The following GRB10 variants were observed in gnomAD, a reference collection of about 807,000 sequenced individuals.
The protein encoded by GRB10 is growth factor receptor-bound protein 10.
Under a neutral mutation model 80.9 loss-of-function variants are expected in GRB10, and 20 were observed. The ratio of observed to expected loss-of-function variants is 0.25; its 90% CI spans 0.17 to 0.36. GRB10 has a LOEUF of 0.36. Among genes scored for constraint, GRB10 ranks in the 10% least tolerant of loss-of-function variants. GRB10 has a pLI of 1.00. For synonymous variants in GRB10, 291 were observed against 291.5 expected, an observed-to-expected ratio of 1.00 and a Z score of 0.02; for missense variants, 548 against 747.7, an observed-to-expected ratio of 0.73 and a Z score of 3.12.
rs1585330763 is a variant in GRB10, at chr7:50,591,028, A to G, written c.*1924T>C. The G allele has an allele frequency of 6.6e-6, 1 of 152,152 alleles. No individual in the cohort carries two copies. Among genetic ancestry groups the G allele is most frequent in the African/African-American group, 2.4e-5 (1 of 41,412 alleles). 9.4% of individuals were successfully genotyped at this position (152,152 alleles called of 1,614,324 possible). On this transcript the variant is annotated 3_prime_UTR_variant, in exon 19 of 19. Transcript: ENST00000401949. ...AGTTGTTTTTCCTTGAAAAGGGTTTACCTCGAGCCAGTGAAGAGGAAGGAA... is the reference window on the plus strand; with the variant it reads ...AGTTGTTTTTCCTTGAAAAGGGTTTGCCTCGAGCCAGTGAAGAGGAAGGAA...
At chr7:50,678,237 AAACAC>A (rs1275185231) in intron 5 of GRB10, among the ~76,000 whole-genome samples, 1 of 152,250 alleles carries the variant, frequency 6.6e-6, no homozygotes, top group Non-Finnish European at 1.5e-5. Flanking sequence ...GCCAAAATAT[AAACAC>A]AACACATATC....
intron 8 of GRB10, among the ~76,000 whole-genome samples, chr7:50,622,430 T>C (rs2051961091): frequency 1.3e-5 from 2 of 152,220 alleles, no homozygotes; most frequent in Admixed American, 6.5e-5. Flanking sequence ...GTTTCCCATC[T>C]GACCAGGAAC....
At chr7:50,720,280 TAAG>T (rs1451844025) in intron 4 of GRB10, among the ~76,000 whole-genome samples, 2 of 152,214 alleles carry the variant, frequency 1.3e-5, no homozygotes, top group Non-Finnish European at 2.9e-5. Flanking sequence ...TGTTTCTAGT[TAAG>T]ATGATAATAA....
At chr7:50,638,857 T>C (rs1164640104) in intron 7 of GRB10, among the ~76,000 whole-genome samples, 2 of 150,604 alleles carry the variant, frequency 1.3e-5, no homozygotes, top group Non-Finnish European at 3.0e-5. Context: ...CTATCAATGG[T>C]AGACTGGATT....
At chr7:50,780,305 C>T (rs2078152362) in intron 2 of GRB10, among the ~76,000 whole-genome samples, 1 of 152,136 alleles carries the variant, frequency 6.6e-6, no homozygotes, top group East Asian at 1.9e-4. Flanking sequence ...CCAGATGTGC[C>T]AAGTTATTTA....
chr7:50,625,399 T>TA (rs1341795190), intron 8 of GRB10, among the ~76,000 whole-genome samples: 3 of 151,940 alleles, frequency 2.0e-5, no homozygotes, highest in African/African-American at 7.3e-5. Flanking sequence ...TATATATATA[T>TA]TTTTTCATAC....
intron 7 of GRB10, among the ~76,000 whole-genome samples, chr7:50,664,223 G>A (rs1397646180): frequency 6.6e-6 from 1 of 152,212 alleles, no homozygotes; most frequent in Non-Finnish European, 1.5e-5. Context: ...GAACCGAGAA[G>A]GCCTTTGGGA....
intron 7 of GRB10, among the ~76,000 whole-genome samples, chr7:50,662,813 T>C (rs1395515223): frequency 1.3e-5 from 2 of 152,202 alleles, no homozygotes; most frequent in African/African-American, 2.4e-5. Context: ...AGAACCCAAA[T>C]GTGAGTCTTG....
At chr7:50,616,427 A>G (rs1450687091) in intron 10 of GRB10, 80 bp from the exon 11 acceptor site, 1 of 1,328,816 alleles carries the variant, frequency 7.5e-7, no homozygotes, top group African/African-American at 1.5e-5. Flanking sequence ...CATAGCTGAC[A>G]TTTTCTGAAT....
chr7:50,732,408 A>G, intron 3 of GRB10, 40 bp from the exon 4 acceptor site: 1 of 1,228,194 alleles, frequency 8.1e-7, no homozygotes, highest in Admixed American at 1.8e-5. Flanking sequence ...AGCCAGAAAA[A>G]AAAAAAAAAA....
At chr7:50,618,610 T>G (rs2051072552) in intron 9 of GRB10, among the ~76,000 whole-genome samples, 1 of 152,238 alleles carries the variant, frequency 6.6e-6, no homozygotes, top group African/African-American at 2.4e-5. Flanking sequence ...TCTCCCCAGT[T>G]GATGCAGCTC....
chr7:50,786,974 G>T (rs979928023), upstream of GRB10, among the ~76,000 whole-genome samples: 1 of 152,156 alleles, frequency 6.6e-6, no homozygotes, highest in East Asian at 1.9e-4. Context: ...ACACAACTCT[G>T]TAAGTTTGGA....
intron 6 of GRB10, among the ~76,000 whole-genome samples, chr7:50,671,293 A>C (rs909481502): frequency 1.3e-5 from 2 of 152,200 alleles, no homozygotes; most frequent in Non-Finnish European, 2.9e-5. Flanking sequence ...CTGTGTCCTC[A>C]AGTAATTTTT....
chr7:50,778,550 A>G (rs961945582), intron 2 of GRB10, among the ~76,000 whole-genome samples: 1 of 152,240 alleles, frequency 6.6e-6, no homozygotes, highest in Non-Finnish European at 1.5e-5. Flanking sequence ...GGAGCCTTAT[A>G]CACAGAACAG....
intron 2 of GRB10, chr7:50,779,441 T>A (rs888441696): frequency 1.3e-5 from 2 of 152,134 alleles, no homozygotes; most frequent in African/African-American, 4.8e-5. Context: ...TTTAAGAAAA[T>A]AAATAAGCAA....
chr7:50,634,283 T>C (rs1242598997), intron 7 of GRB10, among the ~76,000 whole-genome samples: 1 of 152,214 alleles, frequency 6.6e-6, no homozygotes, highest in Non-Finnish European at 1.5e-5. Context: ...TTTTATATTC[T>C]GCCAAACTAA....
intron 17 of GRB10, among the ~76,000 whole-genome samples, chr7:50,599,519 A>G (rs547214249): frequency 6.6e-6 from 1 of 152,324 alleles, no homozygotes; most frequent in East Asian, 1.9e-4. Context: ...GCCTGAATCA[A>G]TCCCATTATC....
At chr7:50,684,878 G>A (rs1175652835) in intron 5 of GRB10, among the ~76,000 whole-genome samples, 1 of 152,132 alleles carries the variant, frequency 6.6e-6, no homozygotes, top group Non-Finnish European at 1.5e-5. Context: ...TCACGGAGAA[G>A]CAGAAGTACA....
chr7:50,739,154 G>A lies in GRB10; in HGVS notation c.-46-6786C>T, dbSNP rs1490832677. Among the ~76,000 whole-genome samples, 10 of 152,102 alleles carry A rather than the reference G, an allele frequency of 6.6e-5. No individual in the cohort carries two copies. In the South Asian group the frequency reaches 8.3e-4, roughly 13 times the overall value. On this transcript the variant is annotated intron_variant, in intron 3 of 18. Transcript: ENST00000401949. Reference sequence around the variant, plus strand: ...CTGGATCCAGCAGCTGAAGTTGAACGTCTTTGTGTTTCCGATTATATGGGT... The same window carrying A: ...CTGGATCCAGCAGCTGAAGTTGAACATCTTTGTGTTTCCGATTATATGGGT...
Sources: gnomAD v4.1 joint callset for allele counts (sites outside exome capture counted in the v4.1 genomes callset) on GRCh38, gnomAD v4.1.1 for gene constraint, MANE v1.5 for transcripts, NCBI Gene and HGNC (gene_info 2026-07-23, HGNC 2026-07-21) for gene names.